Variants in STAG2 observed in about 807,000 individuals in gnomAD.
STAG2 encodes STAG2 cohesin complex component, also known as cohesin subunit SA-2.
A neutral mutation model predicts 108.1 loss-of-function variants in STAG2; 14 were observed. The ratio of observed to expected loss-of-function variants is 0.13; its 90% CI spans 0.09 to 0.20. The LOEUF is 0.20. STAG2 is among the 10% of genes least tolerant of loss of function. STAG2 has a pLI of 1.00. For missense variants in STAG2, 440 were observed against 940.9 expected (o/e 0.47, Z 6.96); for synonymous variants, 307 against 302.7 (o/e 1.01, Z -0.15).
At chrX:124,055,546 A>T (rs1198727348) in intron 13 of STAG2, among the ~76,000 whole-genome samples, 2 of 112,557 alleles carry the variant, frequency 1.8e-5, no homozygotes, top group Non-Finnish European at 3.8e-5. Flanking sequence ...TTCTTTAAAG[A>T]TAAGAAAAAT....
intron 6 of STAG2, among the ~76,000 whole-genome samples, chrX:124,038,237 AG>A (rs1211628468): frequency 9.0e-6 from 1 of 111,381 alleles, no homozygotes; most frequent in Non-Finnish European, 1.9e-5. Context: ...AACATTTGGC[AG>A]GGGGACAAAA....
chrX:124,026,014 G>A (rs1479904830), intron 4 of STAG2, 96 bp downstream of exon 4: 2 of 630,337 alleles, frequency 3.2e-6, no homozygotes, highest in Admixed American at 6.4e-5. Context: ...TTTAAAAATG[G>A]CTTTTTAAGG....
intron 4 of STAG2, among the ~76,000 whole-genome samples, chrX:124,028,794 TTATA>T (rs56052834): frequency 0.031 from 2,355 of 74,961 alleles, 32 homozygotes; most frequent in East Asian, 0.04. Flanking sequence ...TAAGAATAGT[TTATA>T]TATATATATA....
At chrX:123,967,039 A>G (rs2054126869) in intron 1 of STAG2, among the ~76,000 whole-genome samples, 1 of 108,928 alleles carries the variant, frequency 9.2e-6, no homozygotes, top group African/African-American at 3.4e-5. Flanking sequence ...GTCCGCTACC[A>G]CGCCCAGCTA....
At chrX:124,015,580 C>T (rs2056692217) in intron 1 of STAG2, among the ~76,000 whole-genome samples, 1 of 108,110 alleles carries the variant, frequency 9.2e-6, no homozygotes, top group African/African-American at 3.4e-5. Context: ...GATGGGGTTT[C>T]ACCATGTTGG....
chrX:124,078,135 TG>T, intron 27 of STAG2, 77 bp downstream of exon 27: 1 of 693,043 alleles, frequency 1.4e-6, no homozygotes, highest in Non-Finnish European at 2.2e-6. Flanking sequence ...CAGTTGAAAT[TG>T]GGCAAAGTGT....
At chrX:124,001,527 C>T (rs2147842688) in intron 1 of STAG2, among the ~76,000 whole-genome samples, 1 of 112,086 alleles carries the variant, frequency 8.9e-6, no homozygotes, top group African/African-American at 3.2e-5. Flanking sequence ...ACTTTCAGTC[C>T]TGCAAGCTCC....
chrX:124,089,213 A>C (rs1421830795), intron 30 of STAG2, among the ~76,000 whole-genome samples: 1 of 111,808 alleles, frequency 8.9e-6, no homozygotes, highest in Non-Finnish European at 1.9e-5. Flanking sequence ...CTGGCCTCAT[A>C]TGTATAATCT....
chrX:123,998,856 A>G lies in STAG2; in HGVS notation c.-162-22511A>G, dbSNP rs986737111. ...AAAACCAGGCCGGACATAGTGGCTC[A>G]TGCTTGTAATCCAAGTGCTTTGGGA... On this transcript the variant is annotated intron_variant, in intron 1 of 34. Transcript: ENST00000371145. Among the ~76,000 whole-genome samples, 8 of 111,932 alleles carry G rather than the reference A, an allele frequency of 7.1e-5. No individual in the cohort carries two copies. The Admixed American group carries it at 7.6e-4, about 11-fold the overall frequency.
chrX:124,026,923 A>G (rs896409934), intron 4 of STAG2, among the ~76,000 whole-genome samples: 3 of 110,613 alleles, frequency 2.7e-5, no homozygotes, highest in African/African-American at 9.9e-5. Context: ...GGGTCTCTCT[A>G]TGTTGCCTAG....
At chrX:123,987,541 C>T (rs2055254726) in intron 1 of STAG2, among the ~76,000 whole-genome samples, 1 of 112,229 alleles carries the variant, frequency 8.9e-6, no homozygotes, top group Non-Finnish European at 1.9e-5. Context: ...AGCCACCATG[C>T]CCGGCCTTTA....
intron 1 of STAG2, among the ~76,000 whole-genome samples, chrX:123,986,122 T>C (rs1460606224): frequency 3.8e-5 from 4 of 106,055 alleles, no homozygotes; most frequent in Non-Finnish European, 7.7e-5. Flanking sequence ...TGTATCTATA[T>C]ATACATATAT....
At chrX:124,062,034 T>G (rs2058395279) in intron 17 of STAG2, among the ~76,000 whole-genome samples, 160 bp downstream of exon 17, 1 of 111,371 alleles carries the variant, frequency 9.0e-6, no homozygotes, top group Non-Finnish European at 1.9e-5. Flanking sequence ...ATTAGCAATT[T>G]GAGAAATTTG....
chrX:124,033,254 A>G (rs766683658), intron 5 of STAG2, among the ~76,000 whole-genome samples: 2 of 112,509 alleles, frequency 1.8e-5, no homozygotes, highest in South Asian at 7.2e-4. Context: ...CCCCAATTTT[A>G]AAAATTACTT....
Position 124,042,678 on chromosome X carries a change from A to G in STAG2, c.462+33A>G, listed in dbSNP as rs748346277. Reference sequence around the variant, plus strand: ...ACTACCTTAAGTGTTTTGATAACTTATGCATGTTTATCTTGACTTATTTTT... The same window carrying G: ...ACTACCTTAAGTGTTTTGATAACTTGTGCATGTTTATCTTGACTTATTTTT... On this transcript the variant is annotated intron_variant, in intron 7 of 34. Coordinates refer to ENST00000371145, the MANE Select transcript of STAG2 (RefSeq NM_001042750.2). 6 of 956,032 alleles carry G rather than the reference A, an allele frequency of 6.3e-6. No homozygotes were observed. In the South Asian group the frequency reaches 1.2e-4, roughly 19 times the overall value. The allele number at this position is 956,032 out of a possible 1,213,427, so 78.8% of individuals were successfully genotyped here. A position where few individuals can be genotyped will look rare whatever the true frequency, so the allele number is the denominator to read the frequency against.
At chrX:123,974,137 A>G (rs1038443506) in intron 1 of STAG2, among the ~76,000 whole-genome samples, 2 of 111,661 alleles carry the variant, frequency 1.8e-5, no homozygotes, top group African/African-American at 6.5e-5. Flanking sequence ...CAAGCAGAAC[A>G]ACCGAGGGCT....
chrX:123,975,642 T>C (rs1201625900), intron 1 of STAG2, among the ~76,000 whole-genome samples: 2 of 111,508 alleles, frequency 1.8e-5, no homozygotes, highest in East Asian at 2.8e-4. Context: ...TTTGTACTTT[T>C]AGTAGAGATG....
chrX:124,098,056 ACAG>A (rs1430105049), intron 34 of STAG2, among the ~76,000 whole-genome samples: 1 of 109,163 alleles, frequency 9.2e-6, no homozygotes, highest in East Asian at 2.8e-4. Flanking sequence ...AAATAATGAA[ACAG>A]CAATATTAAC....
At chrX:124,022,305 A>C (rs2056956619) in intron 2 of STAG2, among the ~76,000 whole-genome samples, 1 of 107,893 alleles carries the variant, frequency 9.3e-6, no homozygotes, top group Non-Finnish European at 1.9e-5. Context: ...TGGGAGGCAG[A>C]GGTTGCAGTG....
Sources: gnomAD v4.1 joint callset for allele counts (sites outside exome capture counted in the v4.1 genomes callset) on GRCh38, gnomAD v4.1.1 for gene constraint, MANE v1.5 for transcripts, NCBI Gene and HGNC (gene_info 2026-07-23, HGNC 2026-07-21) for gene names.